The following PTPRD variants were observed in gnomAD, a reference collection of about 807,000 sequenced individuals.
PTPRD encodes the protein protein tyrosine phosphatase receptor type D.
PTPRD carries 34 observed loss-of-function variants against 214.5 expected under a neutral mutation model. The observed-to-expected ratio is 0.16, with a 90% CI of 0.12 to 0.21. The LOEUF is 0.21. Among genes scored for constraint, PTPRD ranks in the 10% least tolerant of loss-of-function variants. The pLI is 1.00. For missense variants in PTPRD, 2,545 were observed against 2,398.7 expected (o/e 1.06, Z -1.27); for synonymous variants, 1,128 against 845.7 (o/e 1.33, Z -5.79).
intron 3 of PTPRD, among the ~76,000 whole-genome samples, chr9:10,085,100 T>C (rs574046912): frequency 1.3e-5 from 2 of 152,068 alleles, no homozygotes; most frequent in African/African-American, 4.8e-5. Context: ...TTACAAAATA[T>C]TTGAATTTCT....
chr9:8,611,943 A>AAAAGG (rs1234229777), intron 14 of PTPRD, among the ~76,000 whole-genome samples: 2 of 145,526 alleles, frequency 1.4e-5, no homozygotes, highest in Non-Finnish European at 3.0e-5. Context: ...AAAAGAAAAG[A>AAAAGG]AAAGAGAAAA....
At chr9:10,488,366 CAAAAAAAAAA>C (rs59842348) in intron 2 of PTPRD, among the ~76,000 whole-genome samples, 2 of 68,420 alleles carry the variant, frequency 2.9e-5, no homozygotes, top group East Asian at 4.2e-4. Context: ...GACTCTGTCT[CAAAAAAAAAA>C]AAAAAAAAAA....
chr9:10,218,097 T>A lies in PTPRD; in HGVS notation c.-545+122866A>T, dbSNP rs1037460164. On this transcript the variant is annotated intron_variant, in intron 3 of 45. Coordinates refer to ENST00000381196, the MANE Select transcript of PTPRD (RefSeq NM_002839.4). ...TAGATTCTATTCTGGCCAGAAACTA[T>A]TAGATTTTTATTAGTAAAGAAGAAA... Among the ~76,000 whole-genome samples, 2 of 151,896 alleles carry A rather than the reference T, an allele frequency of 1.3e-5. 1 individual carries two copies. Among genetic ancestry groups the A allele is most frequent in the Admixed American group, 1.3e-4 (2 of 15,194 alleles).
chr9:8,731,216 G>A (rs548854793), intron 12 of PTPRD, among the ~76,000 whole-genome samples: 3 of 152,156 alleles, frequency 2.0e-5, no homozygotes, highest in Non-Finnish European at 4.4e-5. Context: ...AAGAGAGTGA[G>A]TTGGACACAT....
At chr9:8,371,806 G>A (rs2081610655) in intron 39 of PTPRD, among the ~76,000 whole-genome samples, 1 of 152,012 alleles carries the variant, frequency 6.6e-6, no homozygotes, top group African/African-American at 2.4e-5. Flanking sequence ...TAGAGAAGGG[G>A]AATTGTTGAA....
At chr9:10,373,522 T>C (rs942814194) in intron 2 of PTPRD, among the ~76,000 whole-genome samples, 1 of 152,100 alleles carries the variant, frequency 6.6e-6, no homozygotes, top group Non-Finnish European at 1.5e-5. Flanking sequence ...TTGAAATAAG[T>C]AGCTAGAACT....
At chr9:8,362,022 C>A (rs1378254772) in intron 39 of PTPRD, among the ~76,000 whole-genome samples, 1 of 152,186 alleles carries the variant, frequency 6.6e-6, no homozygotes, top group Admixed American at 6.5e-5. Context: ...ATTGCCCATG[C>A]AGAAATGCAG....
chr9:10,540,627 C>T (rs2058898754), intron 2 of PTPRD, among the ~76,000 whole-genome samples: 1 of 152,158 alleles, frequency 6.6e-6, no homozygotes, highest in Non-Finnish European at 1.5e-5. Flanking sequence ...ATTAATGTTA[C>T]AATTCAGGCT....
chr9:10,039,025 G>A (rs1263213851), intron 3 of PTPRD, among the ~76,000 whole-genome samples: 1 of 151,882 alleles, frequency 6.6e-6, no homozygotes, highest in Non-Finnish European at 1.5e-5. Context: ...TATGAAAAAA[G>A]TTACCCTAAA....
At chr9:9,313,602 C>G (rs1960540165) in intron 9 of PTPRD, among the ~76,000 whole-genome samples, 1 of 152,104 alleles carries the variant, frequency 6.6e-6, no homozygotes, top group Admixed American at 6.6e-5. Context: ...CAATGCAGTC[C>G]ATCTCTCTTA....
At chr9:9,438,012 G>C (rs374637234) in intron 8 of PTPRD, among the ~76,000 whole-genome samples, 1 of 152,086 alleles carries the variant, frequency 6.6e-6, no homozygotes, top group South Asian at 2.1e-4. Flanking sequence ...GTCTGTTCTA[G>C]GCCTTTCTCC....
intron 11 of PTPRD, among the ~76,000 whole-genome samples, chr9:8,794,767 A>C (rs13299117): frequency 0.09 from 13,692 of 152,120 alleles, 774 homozygotes; most frequent in Middle Eastern, 0.16. Flanking sequence ...AACAAGAAAG[A>C]GCAAACCGAG....
chr9:8,947,462 C>CAAAAAAA (rs138279192), intron 11 of PTPRD, among the ~76,000 whole-genome samples: 26 of 92,704 alleles, frequency 2.8e-4, no homozygotes, highest in Non-Finnish European at 3.3e-4. Flanking sequence ...GACTCTGTCT[C>CAAAAAAA]AAAAAAAAAA....
At chr9:10,072,138 A>T (rs2098033619) in intron 3 of PTPRD, among the ~76,000 whole-genome samples, 1 of 152,040 alleles carries the variant, frequency 6.6e-6, no homozygotes, top group Non-Finnish European at 1.5e-5. Flanking sequence ...ATATACAATA[A>T]TTCTTAAAAC....
chr9:8,376,820 G>A, intron 37 of PTPRD, 94 bp from the exon 38 acceptor site: 1 of 1,510,018 alleles, frequency 6.6e-7, no homozygotes, highest in Non-Finnish European at 9.1e-7. Flanking sequence ...CAGCTTTTCT[G>A]CACTTCATTT....
intron 4 of PTPRD, among the ~76,000 whole-genome samples, chr9:9,941,249 T>A (rs1457067049): frequency 3.3e-5 from 5 of 152,184 alleles, no homozygotes; most frequent in African/African-American, 1.2e-4. Flanking sequence ...AAAAGCTATG[T>A]CTGACAGATT....
chr9:9,600,306 C>T (rs1272265741), intron 7 of PTPRD, among the ~76,000 whole-genome samples: 2 of 152,020 alleles, frequency 1.3e-5, no homozygotes, highest in Non-Finnish European at 2.9e-5. Context: ...AATGTACACA[C>T]CAGTATGTTT....
intron 39 of PTPRD, among the ~76,000 whole-genome samples, chr9:8,371,168 G>T (rs1057269901): frequency 1.3e-5 from 2 of 151,898 alleles, no homozygotes; most frequent in South Asian, 2.1e-4. Context: ...ATAGTTATAA[G>T]TAAGGCAAAG....
chr9:9,381,683 T>TG (rs2062304350), intron 9 of PTPRD, among the ~76,000 whole-genome samples: 3 of 148,122 alleles, frequency 2.0e-5, no homozygotes, highest in East Asian at 2.0e-4. Flanking sequence ...TTTGTTTTTT[T>TG]TTGTTGTTTT....
Sources: gnomAD v4.1 joint callset for allele counts (sites outside exome capture counted in the v4.1 genomes callset) on GRCh38, gnomAD v4.1.1 for gene constraint, MANE v1.5 for transcripts, NCBI Gene and HGNC (gene_info 2026-07-23, HGNC 2026-07-21) for gene names.